PPM1H: variants seen among roughly 807,000 people sequenced by gnomAD.
The protein encoded by PPM1H is protein phosphatase 1H.
PPM1H carries 27 observed loss-of-function variants against 54.9 expected under a neutral mutation model. The ratio of observed to expected loss-of-function variants is 0.49; its 90% CI spans 0.36 to 0.68. The LOEUF (loss-of-function observed/expected upper bound fraction) is 0.68, where lower values mean the gene tolerates loss of function less well. Among genes scored for constraint, PPM1H ranks in the 30% least tolerant of loss-of-function variants. PPM1H has a pLI of 0.00. For synonymous variants in PPM1H, 305 were observed against 270.8 expected (o/e 1.13, Z -1.24); for missense variants, 596 against 667.8 (o/e 0.89, Z 1.19).
chr12:62,770,548 C>CTTTTT (rs5798658), intron 4 of PPM1H, among the ~76,000 whole-genome samples: 2 of 149,742 alleles, frequency 1.3e-5, no homozygotes, highest in African/African-American at 4.9e-5. Context: ...TATAATACAG[C>CTTTTT]TTTTTTTTTT....
At chr12:62,907,399 T>C (rs926269122) in intron 1 of PPM1H, among the ~76,000 whole-genome samples, 1 of 152,194 alleles carries the variant, frequency 6.6e-6, no homozygotes, top group Non-Finnish European at 1.5e-5. Flanking sequence ...AGGACATCAG[T>C]GCAGTTTGAG....
At chr12:62,680,052 C>G (rs1240596230) in intron 8 of PPM1H, among the ~76,000 whole-genome samples, 1 of 152,180 alleles carries the variant, frequency 6.6e-6, no homozygotes, top group Non-Finnish European at 1.5e-5. Flanking sequence ...TTCTTCACAT[C>G]AAGAGGTGGA....
chr12:62,715,312 G>A (rs1488229699), intron 6 of PPM1H, among the ~76,000 whole-genome samples: 3 of 152,158 alleles, frequency 2.0e-5, no homozygotes, highest in African/African-American at 7.2e-5. Flanking sequence ...ATGACACCAT[G>A]CGCAGGAGGT....
At chr12:62,683,478 G>A (rs2076034627) in intron 8 of PPM1H, among the ~76,000 whole-genome samples, 1 of 152,170 alleles carries the variant, frequency 6.6e-6, no homozygotes, top group Non-Finnish European at 1.5e-5. Flanking sequence ...TTGGAATTCA[G>A]ATACTACAGT....
At chr12:62,820,426 T>C (rs952863891) in intron 2 of PPM1H, among the ~76,000 whole-genome samples, 1 of 152,204 alleles carries the variant, frequency 6.6e-6, no homozygotes, top group African/African-American at 2.4e-5. Flanking sequence ...GATCTGAGAA[T>C]GGACAGACTG....
At chr12:62,832,359 C>T in intron 1 of PPM1H, 80 bp from the exon 2 acceptor site, 1 of 1,381,110 alleles carries the variant, frequency 7.2e-7, no homozygotes, top group East Asian at 2.5e-5. Context: ...TCAGCCAAGA[C>T]AGTCTCTACA....
At chr12:62,914,034 GTGC>G (rs1383539026) in intron 1 of PPM1H, among the ~76,000 whole-genome samples, 1 of 152,146 alleles carries the variant, frequency 6.6e-6, no homozygotes, top group Non-Finnish European at 1.5e-5. Flanking sequence ...AAATAAAGGA[GTGC>G]TGTAGTTTGG....
intron 4 of PPM1H, among the ~76,000 whole-genome samples, chr12:62,741,541 T>A (rs541338538): frequency 9.4e-4 from 143 of 152,344 alleles, no homozygotes; most frequent in African/African-American, 3.3e-3. Context: ...TCCCTTCACA[T>A]GGCTTCTTCC....
At chr12:62,827,790 T>C (rs1266303501) in intron 2 of PPM1H, among the ~76,000 whole-genome samples, 10 of 152,154 alleles carry the variant, frequency 6.6e-5, no homozygotes, top group African/African-American at 2.2e-4. Context: ...AAGGCTTTCC[T>C]AACCTTACCC....
At chr12:62,801,789 C>T (rs2076771442) in intron 3 of PPM1H, 27 bp downstream of exon 3, 1 of 1,610,688 alleles carries the variant, frequency 6.2e-7, no homozygotes, top group South Asian at 1.1e-5. Context: ...CCTGGCCCTG[C>T]TGCCCCAGAC....
chr12:62,808,245 T>C (rs952558000), intron 2 of PPM1H, among the ~76,000 whole-genome samples: 3 of 152,212 alleles, frequency 2.0e-5, no homozygotes, highest in African/African-American at 7.2e-5. Flanking sequence ...GGTAATTATC[T>C]GCATTTTATA....
At chr12:62,878,026 T>C (rs1267849868) in intron 1 of PPM1H, among the ~76,000 whole-genome samples, 1 of 152,090 alleles carries the variant, frequency 6.6e-6, no homozygotes, top group African/African-American at 2.4e-5. Flanking sequence ...GCCTCCTGAG[T>C]TGCTGAGACT....
At chr12:62,808,531 G>T (rs1165264322) in intron 2 of PPM1H, among the ~76,000 whole-genome samples, 1 of 151,978 alleles carries the variant, frequency 6.6e-6, no homozygotes, top group African/African-American at 2.4e-5. Flanking sequence ...CTGTGGGCTG[G>T]CTCCTGTCCG....
chr12:62,929,761 G>A (rs11174721), intron 1 of PPM1H, among the ~76,000 whole-genome samples: 5,659 of 152,158 alleles, frequency 0.037, 146 homozygotes, highest in Middle Eastern at 0.082. Context: ...ATGAAGGAAC[G>A]CTTAGCTGTC....
At chr12:62,921,115 G>A (rs1871785302) in intron 1 of PPM1H, among the ~76,000 whole-genome samples, 1 of 152,030 alleles carries the variant, frequency 6.6e-6, no homozygotes, top group African/African-American at 2.4e-5. Flanking sequence ...AGTAGAGATG[G>A]GGTTTTGCCA....
At chr12:62,916,967 A>G (rs534115729) in intron 1 of PPM1H, among the ~76,000 whole-genome samples, 9 of 151,978 alleles carry the variant, frequency 5.9e-5, no homozygotes, top group Admixed American at 1.3e-4. Context: ...AGTTCAACTT[A>G]CAAAGAACCA....
Position 62,788,323 on chromosome 12 carries a change from G to C in PPM1H, c.772C>G (p.Arg258Gly), listed in dbSNP as rs761192541. The part of the protein sequence containing the change: ...AFKEMDLQIE[R>G]ERSSYNISGG... The stretch of plus-strand genomic sequence containing the variant: ...GATATATTATATGAACTCCTCTCTC[G>C]TTCTATCTGTAGGTCCTGGAGAATA... The change falls in exon 4 of 10, where the codon CGA (arginine) becomes GGA (glycine). Residue 258 changes from arginine (R) to glycine (G), a missense_variant. Physicochemically the swap from Arg to Gly is moderately radical, Grantham distance 125 (BLOSUM62 -2). Coordinates refer to ENST00000228705, the MANE Select transcript of PPM1H (RefSeq NM_020700.2). The C allele has an allele frequency of 4.5e-6, 7 of 1,570,662 alleles. No individual in the cohort carries two copies. In the East Asian group the frequency reaches 1.6e-4, roughly 36 times the overall value.
intron 9 of PPM1H, among the ~76,000 whole-genome samples, chr12:62,662,822 C>T (rs1473606755): frequency 1.3e-5 from 2 of 152,146 alleles, no homozygotes; most frequent in South Asian, 2.1e-4. Flanking sequence ...ACCCAACAGG[C>T]CTCAAGCATA....
intron 8 of PPM1H, among the ~76,000 whole-genome samples, chr12:62,688,646 G>A (rs1309542841): frequency 2.0e-5 from 3 of 152,116 alleles, no homozygotes; most frequent in Non-Finnish European, 4.4e-5. Context: ...AACATCAGCT[G>A]AATGACAGAA....
Sources: gnomAD v4.1 joint callset for allele counts (sites outside exome capture counted in the v4.1 genomes callset) on GRCh38, gnomAD v4.1.1 for gene constraint, MANE v1.5 for transcripts, NCBI Gene and HGNC (gene_info 2026-07-23, HGNC 2026-07-21) for gene names.